Variants in DDX54 observed in about 807,000 individuals in gnomAD.
DDX54 encodes the protein DEAD-box helicase 54.
A neutral mutation model predicts 105.5 loss-of-function variants in DDX54; 67 were observed. The observed-to-expected ratio is 0.64, with a 90% CI of 0.52 to 0.78. The LOEUF (loss-of-function observed/expected upper bound fraction) is 0.78, where lower values mean the gene tolerates loss of function less well. Among genes scored for constraint, DDX54 ranks in the 30% least tolerant of loss-of-function variants. The probability of loss-of-function intolerance (pLI) is 0.00; values close to 1 mark genes in which losing one functional copy is unlikely to be tolerated. For missense variants in DDX54, 1,206 were observed against 1,230.5 expected, an observed-to-expected ratio of 0.98 and a Z score of 0.30; for synonymous variants, 514 against 509.9, an observed-to-expected ratio of 1.01 and a Z score of -0.11.
At chr12:113,164,542 C>T (rs1389342981) in intron 14 of DDX54, among the ~76,000 whole-genome samples, 1 of 152,200 alleles carries the variant, frequency 6.6e-6, no homozygotes. Flanking sequence ...GGCGAAACCC[C>T]ATCTCTGCTA....
Position 113,173,024 on chromosome 12 carries a change from G to T in DDX54, c.1069-461C>A, listed in dbSNP as rs955701699. 2.0e-5 allele frequency among the ~76,000 whole-genome samples: 3 copies of T among 152,310 alleles called. No homozygotes were observed. The South Asian group carries it at 6.2e-4, about 32-fold the overall frequency. ...CAGAGTCTCAACATGGAACACTCAT[G>T]AGAGTGCTAGCTGTTCTTTACAGAT... On this transcript the variant is annotated intron_variant, in intron 10 of 19. Coordinates refer to ENST00000306014, the MANE Select transcript of DDX54 (RefSeq NM_024072.4).
chr12:113,180,871 G>T, intron 2 of DDX54, 58 bp downstream of exon 2: 1 of 1,607,364 alleles, frequency 6.2e-7, no homozygotes, highest in South Asian at 1.1e-5. Context: ...GAGTGCAGAG[G>T]CGGGGTTGAC....
chr12:113,180,092 A>C (rs1247450107), intron 2 of DDX54, 87 bp from the exon 3 acceptor site: 1 of 1,246,190 alleles, frequency 8.0e-7, no homozygotes, highest in Non-Finnish European at 1.2e-6. Flanking sequence ...TGACAGCTTC[A>C]TCAACAATAA....
chr12:113,180,844 A>G, intron 2 of DDX54, 85 bp downstream of exon 2: 1 of 1,590,578 alleles, frequency 6.3e-7, no homozygotes, highest in Non-Finnish European at 8.5e-7. Flanking sequence ...CTGGGCCCAG[A>G]GTGGACATCA....
rs1318550937 is a variant in DDX54, at chr12:113,161,244, C to G, written c.2413+26G>C. On this transcript the variant is annotated intron_variant, in intron 19 of 19. Transcript: ENST00000306014. The stretch of plus-strand genomic sequence containing the variant: ...CACAACTGCTCTGCCTACCTGTGCA[C>G]CCACACTCCCCACCCTGGCTCTCAC... 2.5e-6 allele frequency: 4 copies of G among 1,586,218 alleles called. No homozygotes were observed. The African/African-American group carries it at 5.4e-5, about 21-fold the overall frequency.
At chr12:113,171,054 CTGT>C (rs1257084933) in intron 11 of DDX54, among the ~76,000 whole-genome samples, 1 of 152,152 alleles carries the variant, frequency 6.6e-6, no homozygotes, top group Admixed American at 6.5e-5. Flanking sequence ...CTGACCGGCA[CTGT>C]TGGTCTTGTG....
rs751518629 is a variant in DDX54 at position 113,161,928 on chromosome 12, GCTCT to G, written c.2261_2264del (p.Glu754AlafsTer76). ...TGTAGGAGCTGCTGATGTAGCGGCCGCTCTCTGTCTTAATCTTCTTCTTGTCTTC... is the reference window on the plus strand; with the variant it reads ...TGTAGGAGCTGCTGATGTAGCGGCCGCTGTCTTAATCTTCTTCTTGTCTTC... On this transcript the variant is annotated frameshift_variant, in exon 18 of 20. Transcript: ENST00000306014. LOFTEE classifies it high-confidence loss of function. 1 of 1,612,692 alleles carries G rather than the reference GCTCT, an allele frequency of 6.2e-7. No homozygotes were observed. Among genetic ancestry groups the G allele is most frequent in the Non-Finnish European group, 8.5e-7 (1 of 1,179,800 alleles).
At position 113,178,836 on chromosome 12, in the gene DDX54, C is replaced by G. The variant is rs938591919; in HGVS notation, c.614+141G>C. 7.7e-6 allele frequency: 9 copies of G among 1,173,940 alleles called. No homozygotes were observed. In the South Asian group the frequency reaches 1.4e-4, roughly 18 times the overall value. The allele number at this position is 1,173,940 out of a possible 1,614,324, so 72.7% of individuals were successfully genotyped here. A position where few individuals can be genotyped will look rare whatever the true frequency, so the allele number is the denominator to read the frequency against. ...GGGATTACAGGCATGAGCCACTGGG[C>G]CCGGCCTTGTTGGGTTTTTTGAATG... is the stretch of plus-strand genomic sequence containing the variant. On this transcript the variant is annotated intron_variant, in intron 5 of 19. Coordinates refer to ENST00000306014, the MANE Select transcript of DDX54 (RefSeq NM_024072.4).
At position 113,179,180 on chromosome 12, in the gene DDX54, C is replaced by G; in HGVS notation, c.527G>C (p.Arg176Pro). Residue 176 changes from arginine (R) to proline (P), a missense_variant, in exon 4 of 20, where the codon CGA becomes CCA. Coordinates refer to ENST00000306014, the MANE Select transcript of DDX54 (RefSeq NM_024072.4). Reference sequence around the variant, plus strand: ...CTTCAGGGTCTGCAGGGCCAGCTCTCGGGTCGGCGAGAGGATGAGGGCGCG... The same window carrying G: ...CTTCAGGGTCTGCAGGGCCAGCTCTGGGGTCGGCGAGAGGATGAGGGCGCG... ...GARALILSPT[R>P]ELALQTLKFT... 1 of 1,614,038 alleles carries G rather than the reference C, an allele frequency of 6.2e-7. No homozygotes were observed. Among genetic ancestry groups the G allele is most frequent in the Non-Finnish European group, 8.5e-7 (1 of 1,180,000 alleles).
At position 113,185,454 on chromosome 12, in the gene DDX54, G is replaced by T. The variant is rs531733346; in HGVS notation, c.-3C>A. ...GCCGGGCCCTTGTCGGCCGCCATTC[G>T]GGCCGCGCGCTGGGAACGCAGAAGG... On this transcript the variant is annotated 5_prime_UTR_variant, in exon 1 of 20. Transcript: ENST00000306014. 6 of 1,500,752 alleles carry T rather than the reference G, an allele frequency of 4.0e-6. No individual in the cohort carries two copies. The African/African-American group carries it at 5.8e-5, about 14-fold the overall frequency. 93.0% of individuals were successfully genotyped at this position (1,500,752 alleles called of 1,614,324 possible).
intron 1 of DDX54, among the ~76,000 whole-genome samples, chr12:113,184,979 G>A (rs1214996901): frequency 6.6e-6 from 1 of 152,184 alleles, no homozygotes; most frequent in African/African-American, 2.4e-5. Context: ...TGGGCGAAAG[G>A]GAGCCAGGAT....
At chr12:113,161,433 G>C (rs1300328535) in intron 18 of DDX54, 51 bp from the exon 19 acceptor site, 10 of 1,436,160 alleles carry the variant, frequency 7.0e-6, no homozygotes, top group African/African-American at 1.4e-5. Context: ...ATGGGAGAAG[G>C]CTCCTCCCCA....
At chr12:113,161,584 T>C (rs1566092617) in intron 18 of DDX54, 3 of 533,426 alleles carry the variant, frequency 5.6e-6, no homozygotes, top group Admixed American at 3.4e-5. Flanking sequence ...GTCCCACTTA[T>C]TGGAGATGCC....
Position 113,157,841 on chromosome 12 carries a change from A to G in DDX54, c.*1036T>C, listed in dbSNP as rs1399711621. ...CTGTTCAGAGTGCTGTGGGCCTGCCATGAGGGGCACATAGCAAGCACTCCA... is the reference window on the plus strand; with the variant it reads ...CTGTTCAGAGTGCTGTGGGCCTGCCGTGAGGGGCACATAGCAAGCACTCCA... On this transcript the variant is annotated 3_prime_UTR_variant, in exon 20 of 20. Transcript: ENST00000306014. The G allele has an allele frequency of 3.1e-6, 2 of 640,634 alleles. No homozygotes were observed. The highest frequency in any genetic ancestry group is 1.8e-5 in the African/African-American group (1 of 55,348). 39.7% of individuals were successfully genotyped at this position (640,634 alleles called of 1,614,324 possible). A position where few individuals can be genotyped will look rare whatever the true frequency, so the allele number is the denominator to read the frequency against.
intron 5 of DDX54, chr12:113,177,421 C>T (rs1952417119): frequency 3.4e-6 from 1 of 292,482 alleles, no homozygotes. Context: ...CCCAGAACTA[C>T]CAGCCCCAAC....
intron 17 of DDX54, among the ~76,000 whole-genome samples, chr12:113,162,495 C>G (rs2136313921): frequency 6.6e-6 from 1 of 152,332 alleles, no homozygotes; most frequent in East Asian, 1.9e-4. Context: ...ACATGGGGGA[C>G]AGCCAGGCCA....
At chr12:113,168,070 G>C in intron 12 of DDX54, 1 of 407,596 alleles carries the variant, frequency 2.5e-6, no homozygotes, top group South Asian at 1.8e-5. Flanking sequence ...CACCTCCAGT[G>C]ACTGCACAGG....
In DDX54 at chr12:113,157,295, C is replaced by A; in HGVS notation, c.*1582G>T. On this transcript the variant is annotated 3_prime_UTR_variant, in exon 20 of 20. Coordinates refer to ENST00000306014, the MANE Select transcript of DDX54 (RefSeq NM_024072.4). Reference sequence around the variant, plus strand: ...CACAAACCAATGAATATGACTGATCCAGTTACAAGAAAATAAAGCTGATTG... The same window carrying A: ...CACAAACCAATGAATATGACTGATCAAGTTACAAGAAAATAAAGCTGATTG... The A allele has an allele frequency of 2.5e-6, 1 of 403,788 alleles. No homozygotes were observed. The highest frequency in any genetic ancestry group is 4.5e-6 in the Non-Finnish European group (1 of 222,290). 25.0% of individuals were successfully genotyped at this position (403,788 alleles called of 1,614,324 possible).
At position 113,165,975 on chromosome 12, in the gene DDX54, T is replaced by C. The variant is rs1952269914; in HGVS notation, c.1472A>G (p.Glu491Gly). The change falls in exon 13 of 20, where the codon GAG (glutamate) becomes GGG (glycine). Residue 491 changes from glutamate (E) to glycine (G), a missense_variant. This residue lies in a region of DDX54 where 961 missense variants were observed against 1,019.1 expected (regional missense o/e 0.94). Coordinates refer to ENST00000306014, the MANE Select transcript of DDX54 (RefSeq NM_024072.4). ...GRVPQSVVDE[E>G]DSGLQSTLEA... ...CAGGGTGCTCTGCAGACCACTGTCC[T>C]CCTCGTCCACCACACTCTGTGGCAC... is the stretch of plus-strand genomic sequence containing the variant. 1.2e-6 allele frequency: 2 copies of C among 1,612,940 alleles called. No individual in the cohort carries two copies. Among genetic ancestry groups the C allele is most frequent in the South Asian group, 2.2e-5 (2 of 91,078 alleles).
Sources: gnomAD v4.1 joint callset for allele counts (sites outside exome capture counted in the v4.1 genomes callset) on GRCh38, gnomAD v4.1.1 for gene constraint, gnomAD v4.1.1 regional missense constraint, MANE v1.5 for transcripts, NCBI Gene and HGNC (gene_info 2026-07-23, HGNC 2026-07-21) for gene names.